The following MAGI3 variants were observed in gnomAD, a reference collection of about 807,000 sequenced individuals.
The protein encoded by MAGI3 is membrane associated guanylate kinase, WW and PDZ domain containing 3.
In MAGI3, 43 loss-of-function variants were observed where a neutral mutation model predicts 121.8. The observed-to-expected ratio is 0.35, with a 90% CI of 0.28 to 0.46. The LOEUF (loss-of-function observed/expected upper bound fraction) is 0.46, where lower values mean the gene tolerates loss of function less well. Ranked by LOEUF, MAGI3 falls within the 20% of genes least tolerant of loss-of-function variation. MAGI3 has a pLI of 1.00. For synonymous variants in MAGI3, 553 were observed against 639.3 expected (o/e 0.86, Z 2.04); for missense variants, 1,547 against 1,797.3 (o/e 0.86, Z 2.52).
chr1:113,632,933 A>G (rs1282526014), intron 9 of MAGI3, among the ~76,000 whole-genome samples: 2 of 151,758 alleles, frequency 1.3e-5, no homozygotes, highest in African/African-American at 2.4e-5. Flanking sequence ...TTTAAGTTTT[A>G]GAGTACATGT....
chr1:113,646,678 A>G (rs775727555), intron 12 of MAGI3, 36 bp downstream of exon 12: 2 of 1,487,608 alleles, frequency 1.3e-6, no homozygotes, highest in Non-Finnish European at 1.8e-6. Flanking sequence ...AGAGCATATA[A>G]CAAGATAAAT....
At chr1:113,533,777 T>G (rs1658836157) in intron 1 of MAGI3, among the ~76,000 whole-genome samples, 1 of 144,706 alleles carries the variant, frequency 6.9e-6, no homozygotes, top group Non-Finnish European at 1.5e-5. Flanking sequence ...TAAATATCTT[T>G]TCTTTTTCTT....
At chr1:113,513,237 A>T (rs1371569679) in intron 1 of MAGI3, among the ~76,000 whole-genome samples, 1 of 152,358 alleles carries the variant, frequency 6.6e-6, no homozygotes, top group East Asian at 1.9e-4. Flanking sequence ...ATCCCCATGA[A>T]GCTACCAATG....
At chr1:113,565,231 A>G (rs1333038828) in intron 2 of MAGI3, among the ~76,000 whole-genome samples, 2 of 152,186 alleles carry the variant, frequency 1.3e-5, no homozygotes, top group Admixed American at 6.5e-5. Flanking sequence ...ATATGCCAGA[A>G]AAAAATGTAT....
At chr1:113,472,557 T>C (rs1655592216) in intron 1 of MAGI3, among the ~76,000 whole-genome samples, 1 of 152,164 alleles carries the variant, frequency 6.6e-6, no homozygotes, top group Non-Finnish European at 1.5e-5. Context: ...TTTTGTAGTT[T>C]GTTTCCTCCT....
chr1:113,474,746 G>A (rs1372013012), intron 1 of MAGI3, among the ~76,000 whole-genome samples: 4 of 152,084 alleles, frequency 2.6e-5, no homozygotes, highest in African/African-American at 9.7e-5. Flanking sequence ...TCCATATGAA[G>A]TTTAAAGTAG....
intron 2 of MAGI3, among the ~76,000 whole-genome samples, chr1:113,561,565 C>T (rs570627554): frequency 2.0e-4 from 31 of 151,996 alleles, no homozygotes; most frequent in Non-Finnish European, 1.6e-4. Flanking sequence ...ATTTAACAAC[C>T]CTTCAGGTTA....
chr1:113,566,957 A>G (rs920961070), intron 2 of MAGI3, among the ~76,000 whole-genome samples: 2 of 151,898 alleles, frequency 1.3e-5, no homozygotes, highest in Non-Finnish European at 2.9e-5. Flanking sequence ...GATAAACTGA[A>G]TAGAAAACAT....
intron 1 of MAGI3, among the ~76,000 whole-genome samples, chr1:113,468,205 A>G (rs1342367261): frequency 6.6e-6 from 1 of 152,122 alleles, no homozygotes; most frequent in Admixed American, 6.6e-5. Context: ...AATTGAGTTC[A>G]TTTACATTCA....
intron 9 of MAGI3, among the ~76,000 whole-genome samples, chr1:113,631,154 C>G (rs1213014375): frequency 6.6e-6 from 1 of 152,190 alleles, no homozygotes; most frequent in Non-Finnish European, 1.5e-5. Flanking sequence ...CACCCTCTCC[C>G]AAGCATGCAA....
intron 1 of MAGI3, among the ~76,000 whole-genome samples, chr1:113,413,837 G>T (rs971066685): frequency 1.3e-5 from 2 of 152,132 alleles, no homozygotes; most frequent in African/African-American, 4.8e-5. Context: ...GGGACAATTT[G>T]ACTTCCTCAT....
At chr1:113,472,975 G>A (rs1655614759) in intron 1 of MAGI3, among the ~76,000 whole-genome samples, 1 of 152,120 alleles carries the variant, frequency 6.6e-6, no homozygotes, top group South Asian at 2.1e-4. Flanking sequence ...TTATAGTAGA[G>A]TTGAAAGCGA....
rs184585774 is a variant in MAGI3 at position 113,431,522 on chromosome 1, A to G, written c.316+40173A>G. ...GTCCAAGGAGTCTACAGAAAAATCA[A>G]TAGTTTAGCATAGATGTTGGATATA... On this transcript the variant is annotated intron_variant, in intron 1 of 20. Transcript: ENST00000307546. Among the ~76,000 whole-genome samples, 8 of 152,300 alleles carry G rather than the reference A, an allele frequency of 5.3e-5. No homozygotes were observed. In the East Asian group the frequency reaches 1.2e-3, roughly 22 times the overall value.
intron 1 of MAGI3, among the ~76,000 whole-genome samples, chr1:113,460,108 G>T (rs983909950): frequency 6.6e-6 from 1 of 152,118 alleles, no homozygotes; most frequent in Non-Finnish European, 1.5e-5. Flanking sequence ...ATGCAAGATT[G>T]GTTCAACATA....
chr1:113,397,173 T>G (rs1651158933), intron 1 of MAGI3, among the ~76,000 whole-genome samples: 1 of 152,196 alleles, frequency 6.6e-6, no homozygotes, highest in Non-Finnish European at 1.5e-5. Context: ...AGTAATTTGC[T>G]TGCATTAAAA....
intron 12 of MAGI3, among the ~76,000 whole-genome samples, chr1:113,647,254 A>AG (rs1243089174): frequency 1.3e-5 from 2 of 152,228 alleles, no homozygotes; most frequent in African/African-American, 4.8e-5. Context: ...AAAGTCACAG[A>AG]GGAGAGCAGG....
At chr1:113,603,575 C>T (rs972355925) in intron 6 of MAGI3, among the ~76,000 whole-genome samples, 42 of 152,030 alleles carry the variant, frequency 2.8e-4, no homozygotes, top group Admixed American at 6.6e-5. Flanking sequence ...AGACCAGTAT[C>T]CCTGATGAAA....
chr1:113,411,272 C>G (rs553186079), intron 1 of MAGI3, among the ~76,000 whole-genome samples: 2 of 152,138 alleles, frequency 1.3e-5, no homozygotes, highest in Admixed American at 1.3e-4. Flanking sequence ...ATACACTGAC[C>G]TTAATCTAGT....
intron 1 of MAGI3, among the ~76,000 whole-genome samples, chr1:113,505,512 T>TAATA (rs58511819): frequency 0.33 from 45,106 of 135,302 alleles, 7,604 homozygotes; most frequent in Non-Finnish European, 0.35. Flanking sequence ...GGTCCCTACA[T>TAATA]AATAAATAAA....
Sources: allele counts gnomAD v4.1 joint callset (sites outside exome capture counted in the v4.1 genomes callset), GRCh38; gene constraint gnomAD v4.1.1; transcripts MANE v1.5; gene names NCBI Gene and HGNC (gene_info 2026-07-23, HGNC 2026-07-21).